Variants in CENPH observed in about 807,000 individuals in gnomAD.
CENPH encodes the protein CENP-H.
A neutral mutation model predicts 42.9 loss-of-function variants in CENPH; 40 were observed. The observed-to-expected ratio is 0.93, with a 90% CI of 0.72 to 1.21. The LOEUF (loss-of-function observed/expected upper bound fraction) is 1.21. Ranked by LOEUF, CENPH falls within the 50% of genes most tolerant of loss-of-function variation. The pLI is 0.00. For synonymous variants in CENPH, 88 were observed against 96.5 expected, an observed-to-expected ratio of 0.91 and a Z score of 0.52; for missense variants, 302 against 292.9, an observed-to-expected ratio of 1.03 and a Z score of -0.23.
Position 69,194,663 on chromosome 5 carries a change from A to T in CENPH, c.207A>T (p.Pro69=), listed in dbSNP as rs766189704. Residue 69 remains proline (P), a synonymous_variant, in exon 3 of 9, where the codon CCA becomes CCT. Transcript: ENST00000283006. ...TATTTGCAGGTGAAGAAAAAACTCC[A>T]GAACAAATTATGCAAGAAAAGCAAA... The part of the protein sequence containing the change: ...SMVDASEEKT[P]EQIMQEKQIE... The T allele has an allele frequency of 6.3e-7, 1 of 1,591,196 alleles. No individual in the cohort carries two copies. The highest frequency in any genetic ancestry group is 1.7e-5 in the Admixed American group (1 of 57,236).
chr5:69,208,914 C>T (rs986539013), intron 8 of CENPH, among the ~76,000 whole-genome samples: 5 of 152,092 alleles, frequency 3.3e-5, no homozygotes, highest in African/African-American at 1.2e-4. Context: ...CCTGCCTCAG[C>T]CTCCTGAGTA....
chr5:69,196,684 T>C (rs1747969650), intron 4 of CENPH, among the ~76,000 whole-genome samples: 1 of 152,158 alleles, frequency 6.6e-6, no homozygotes, highest in African/African-American at 2.4e-5. Flanking sequence ...TATAGTCATA[T>C]ATGGTTTTGT....
At chr5:69,198,314 T>A (rs1470470898) in intron 5 of CENPH, among the ~76,000 whole-genome samples, 2 of 151,980 alleles carry the variant, frequency 1.3e-5, no homozygotes, top group African/African-American at 2.4e-5. Flanking sequence ...AAGCACTTTT[T>A]TTTTTTGGAG....
rs796896809 is a variant in CENPH at position 69,210,126 on chromosome 5, G to A, written c.*327G>A. The A allele has an allele frequency of 9.0e-4, 150 of 166,630 alleles. No individual in the cohort carries two copies. Among genetic ancestry groups the A allele is most frequent in the African/African-American group, 3.4e-3 (143 of 41,756 alleles). The allele number at this position is 166,630 out of a possible 1,614,324, so 10.3% of individuals were successfully genotyped here. ...AAGCAGTTCTGCCTCAGCCTCCCAA[G>A]TAGCTGTGACTAAAGGTGCACGCCG... On this transcript the variant is annotated 3_prime_UTR_variant, in exon 9 of 9. Coordinates refer to ENST00000283006, the MANE Select transcript of CENPH (RefSeq NM_022909.4).
chr5:69,192,987 TC>T (rs1747901480), intron 2 of CENPH, among the ~76,000 whole-genome samples: 1 of 92,482 alleles, frequency 1.1e-5, no homozygotes, highest in Non-Finnish European at 2.1e-5. Context: ...GCTCAGCTAC[TC>T]GGGGAGGCTG....
At chr5:69,205,961 G>T (rs930954209) in intron 7 of CENPH, among the ~76,000 whole-genome samples, 4 of 148,668 alleles carry the variant, frequency 2.7e-5, no homozygotes, top group Admixed American at 6.7e-5. Flanking sequence ...CGCCCTCCTC[G>T]ACCACCCAAA....
At position 69,194,699 on chromosome 5, in the gene CENPH, T is replaced by C. The variant is rs762505889; in HGVS notation, c.239+4T>C. On this transcript the variant is annotated splice_donor_region_variant and intron_variant, in intron 3 of 8. Transcript: ENST00000283006. ...TGCAAGAAAAGCAAATCGAAGCGTA[T>C]GTTATATTTAAAAATTTTGTTTATG... 1.3e-5 allele frequency: 20 copies of C among 1,561,320 alleles called. No homozygotes were observed. The highest frequency in any genetic ancestry group is 1.7e-5 in the Non-Finnish European group (19 of 1,146,056).
chr5:69,208,372 T>C lies in CENPH; in HGVS notation c.651+13T>C. ...ACATGTGTTCCAGGTAACATTTATA[T>C]AAACTAGCAAGAGTTTTAATCTTGT... is the stretch of plus-strand genomic sequence containing the variant. On this transcript the variant is annotated intron_variant, in intron 8 of 8. Coordinates refer to ENST00000283006, the MANE Select transcript of CENPH (RefSeq NM_022909.4). The C allele has an allele frequency of 1.3e-6, 2 of 1,539,318 alleles. No individual in the cohort carries two copies. The highest frequency in any genetic ancestry group is 1.8e-4 in the Middle Eastern group (1 of 5,570).
chr5:69,194,623 C>T (rs1747932978), intron 2 of CENPH, 24 bp from the exon 3 acceptor site: 1 of 1,480,410 alleles, frequency 6.8e-7, no homozygotes, highest in Non-Finnish European at 9.3e-7. Context: ...ATGTTAGTAA[C>T]TTCAAAAAAT....
chr5:69,208,268 A>T lies in CENPH; in HGVS notation c.560A>T (p.Asp187Val), dbSNP rs745509491. 2 of 1,594,016 alleles carry T rather than the reference A, an allele frequency of 1.3e-6. No homozygotes were observed. The highest frequency in any genetic ancestry group is 3.3e-5 in the Admixed American group (2 of 59,920). ...TEKNKQKIDL[D>V]SMENSERIKI... ...AAGAACAAACAGAAGATTGATTTGG[A>T]CAGTATGGAAAACTCAGAGAGGATA... is the stretch of plus-strand genomic sequence containing the variant. The change falls in exon 8 of 9, where the codon GAC (aspartate) becomes GTC (valine). Residue 187 changes from aspartate (D) to valine (V), a missense_variant. Physicochemically the swap from Asp to Val is radical, Grantham distance 152. Coordinates refer to ENST00000283006, the MANE Select transcript of CENPH (RefSeq NM_022909.4).
intron 5 of CENPH, among the ~76,000 whole-genome samples, chr5:69,200,437 C>T (rs111368572): frequency 4.6e-5 from 7 of 152,176 alleles, no homozygotes; most frequent in Admixed American, 2.0e-4. Flanking sequence ...CACAGTAGAG[C>T]ACTTAACAGC....
At chr5:69,192,844 C>T (rs1476638943) in intron 2 of CENPH, among the ~76,000 whole-genome samples, 2 of 152,098 alleles carry the variant, frequency 1.3e-5, no homozygotes, top group East Asian at 1.9e-4. Context: ...CACCTGTAAT[C>T]CCGGCACTTT....
intron 2 of CENPH, among the ~76,000 whole-genome samples, chr5:69,194,433 G>T (rs1265606498): frequency 6.6e-6 from 1 of 152,174 alleles, no homozygotes; most frequent in African/African-American, 2.4e-5. Flanking sequence ...TGTGAAATAT[G>T]TCATTAGTAA....
rs530678541 is a variant in CENPH, at chr5:69,204,597, C to CTTTTTTTTTTTTTTTTT, written c.487+1635_487+1651dup. On this transcript the variant is annotated intron_variant, in intron 7 of 8. Coordinates refer to ENST00000283006, the MANE Select transcript of CENPH (RefSeq NM_022909.4). ...GAGCTACCACACCTGGCTTGTATTT[C>CTTTTTTTTTTTTTTTTT]TTTTTTTTTTTTTTTTTTTTTTTTG... 1.4e-4 allele frequency among the ~76,000 whole-genome samples: 10 copies of CTTTTTTTTTTTTTTTTT among 69,576 alleles called. 1 individual carries two copies. Among genetic ancestry groups the CTTTTTTTTTTTTTTTTT allele is most frequent in the Non-Finnish European group, 2.0e-4 (8 of 40,364 alleles). The allele number at this position is 69,576 out of a possible 152,430, so 45.6% of individuals were successfully genotyped here.
chr5:69,192,434 G>T lies in CENPH; in HGVS notation c.190+584G>T, dbSNP rs186785343. 1.6e-4 allele frequency among the ~76,000 whole-genome samples: 25 copies of T among 152,306 alleles called. No individual in the cohort carries two copies. In the East Asian group the frequency reaches 4.2e-3, roughly 26 times the overall value. The stretch of plus-strand genomic sequence containing the variant: ...AAAACTAGATTTAGTTAACACTGTA[G>T]AATTTCTATACCTAGGAGACGACAG... On this transcript the variant is annotated intron_variant, in intron 2 of 8. Coordinates refer to ENST00000283006, the MANE Select transcript of CENPH (RefSeq NM_022909.4).
chr5:69,209,594 T>A (rs1748214458), intron 8 of CENPH, 113 bp from the exon 9 acceptor site: 1 of 593,792 alleles, frequency 1.7e-6, no homozygotes. Flanking sequence ...ATCACAGAGC[T>A]ACACATGTAG....
chr5:69,190,012 G>A (rs1382825355), intron 1 of CENPH, among the ~76,000 whole-genome samples: 6 of 152,144 alleles, frequency 3.9e-5, no homozygotes, highest in Non-Finnish European at 8.8e-5. Context: ...ACAGTGCCCC[G>A]GGCCCTTAGA....
intron 7 of CENPH, among the ~76,000 whole-genome samples, chr5:69,206,561 T>C (rs1748163610): frequency 1.3e-5 from 2 of 152,024 alleles, no homozygotes; most frequent in Non-Finnish European, 2.9e-5. Context: ...TGATCTCGGC[T>C]CACTACAACC....
At chr5:69,208,385 G>A (rs1748194943) in intron 8 of CENPH, 26 bp downstream of exon 8, 2 of 1,480,190 alleles carry the variant, frequency 1.4e-6, no homozygotes, top group Non-Finnish European at 1.9e-6. Flanking sequence ...ACTAGCAAGA[G>A]TTTTAATCTT....
Sources: gnomAD v4.1 joint callset for allele counts (sites outside exome capture counted in the v4.1 genomes callset) on GRCh38, gnomAD v4.1.1 for gene constraint, MANE v1.5 for transcripts, NCBI Gene and HGNC (gene_info 2026-07-23, HGNC 2026-07-21) for gene names.